Variants in EPHA5 observed in about 807,000 individuals in gnomAD.
EPHA5 encodes EPH receptor A5, also known as ephrin type-A receptor 5.
Under a neutral mutation model 105.0 loss-of-function variants are expected in EPHA5, and 60 were observed. That is an observed-to-expected ratio of 0.57 (90% CI 0.46 to 0.71). The LOEUF (loss-of-function observed/expected upper bound fraction) is 0.71. EPHA5 is among the 30% of genes least tolerant of loss of function. The pLI, the probability that EPHA5 is intolerant of heterozygous loss-of-function variation, is 0.00. For missense variants in EPHA5, 1,218 were observed against 1,274.7 expected (o/e 0.96, Z 0.68); for synonymous variants, 513 against 449.1 (o/e 1.14, Z -1.80).
intron 3 of EPHA5, among the ~76,000 whole-genome samples, chr4:65,501,780 G>T (rs540940466): frequency 5.3e-5 from 8 of 149,770 alleles, no homozygotes; most frequent in African/African-American, 1.9e-4. Context: ...AACAAAATGC[G>T]CCCAAATAGC....
At chr4:65,340,477 G>A (rs1372012640) in intron 14 of EPHA5, among the ~76,000 whole-genome samples, 3 of 152,056 alleles carry the variant, frequency 2.0e-5, no homozygotes, top group Admixed American at 6.6e-5. Flanking sequence ...CTCACAGTGG[G>A]GGCAGGGAGA....
At chr4:65,331,217 G>C (rs1423600656) in intron 16 of EPHA5, 5 of 1,030,200 alleles carry the variant, frequency 4.9e-6, no homozygotes, top group Non-Finnish European at 4.7e-6. Context: ...AATCTAGATG[G>C]AACCACCATA....
chr4:65,575,862 A>T (rs1740842299), intron 3 of EPHA5, among the ~76,000 whole-genome samples: 1 of 151,482 alleles, frequency 6.6e-6, no homozygotes, highest in Non-Finnish European at 1.5e-5. Flanking sequence ...CTGTAATCCC[A>T]GCTACTTGGG....
chr4:65,331,603 C>G, intron 16 of EPHA5: 2 of 1,067,704 alleles, frequency 1.9e-6, no homozygotes, highest in African/African-American at 1.6e-5. Context: ...GGACTAGCCA[C>G]ACCAATTGTG....
chr4:65,666,577 G>A (rs758912763), intron 1 of EPHA5, among the ~76,000 whole-genome samples: 4 of 152,088 alleles, frequency 2.6e-5, no homozygotes, highest in Admixed American at 1.3e-4. Flanking sequence ...TGCTTGATCA[G>A]AGACAAGTCT....
chr4:65,392,201 C>T (rs1577997766), intron 8 of EPHA5, among the ~76,000 whole-genome samples: 1 of 151,976 alleles, frequency 6.6e-6, no homozygotes, highest in Non-Finnish European at 1.5e-5. Flanking sequence ...TGATTCAGAG[C>T]CTTTGAAGAA....
chr4:65,367,864 T>G (rs1560460907), intron 8 of EPHA5, among the ~76,000 whole-genome samples: 1 of 152,046 alleles, frequency 6.6e-6, no homozygotes, highest in Non-Finnish European at 1.5e-5. Flanking sequence ...TGTTTTTCTC[T>G]CTACTGTTTT....
chr4:65,426,787 C>G (rs991129673), intron 5 of EPHA5, among the ~76,000 whole-genome samples: 4 of 152,086 alleles, frequency 2.6e-5, no homozygotes, highest in African/African-American at 9.7e-5. Flanking sequence ...CACCTGTCAT[C>G]CAGTTACTTA....
At chr4:65,448,229 G>A (rs1285834682) in intron 5 of EPHA5, among the ~76,000 whole-genome samples, 2 of 146,748 alleles carry the variant, frequency 1.4e-5, no homozygotes, top group African/African-American at 5.0e-5. Flanking sequence ...AAATCACCAA[G>A]CTATAAAAAA....
intron 3 of EPHA5, among the ~76,000 whole-genome samples, chr4:65,561,185 C>T (rs957904819): frequency 2.0e-5 from 3 of 151,002 alleles, no homozygotes; most frequent in Non-Finnish European, 3.0e-5. Context: ...AAAACACAAA[C>T]ATTAAAAAAA....
chr4:65,480,115 C>T (rs1446042266), intron 5 of EPHA5, among the ~76,000 whole-genome samples: 3 of 151,428 alleles, frequency 2.0e-5, no homozygotes, highest in Non-Finnish European at 4.4e-5. Flanking sequence ...ATAAAGGAGA[C>T]AAGGAAAGAA....
chr4:65,561,735 T>C (rs761483632), intron 3 of EPHA5, among the ~76,000 whole-genome samples: 40 of 152,114 alleles, frequency 2.6e-4, no homozygotes, highest in Non-Finnish European at 5.6e-4. Context: ...ATACATATAT[T>C]GATCTGTGGT....
intron 5 of EPHA5, among the ~76,000 whole-genome samples, chr4:65,449,337 T>A (rs975198974): frequency 6.6e-6 from 1 of 152,148 alleles, no homozygotes; most frequent in Admixed American, 6.6e-5. Context: ...AATGAGGGTT[T>A]AAAAAAAGAG....
At chr4:65,512,842 C>T (rs1465318987) in intron 3 of EPHA5, among the ~76,000 whole-genome samples, 1 of 152,030 alleles carries the variant, frequency 6.6e-6, no homozygotes, top group East Asian at 1.9e-4. Context: ...ATATCATCAA[C>T]ATGAAATGTA....
chr4:65,493,065 G>A (rs189964082), intron 4 of EPHA5, among the ~76,000 whole-genome samples: 5 of 151,228 alleles, frequency 3.3e-5, no homozygotes, highest in Admixed American at 3.3e-4. Flanking sequence ...GAATGCATCA[G>A]CAGCTGAATC....
At chr4:65,554,113 T>A (rs1400435204) in intron 3 of EPHA5, among the ~76,000 whole-genome samples, 2 of 151,484 alleles carry the variant, frequency 1.3e-5, no homozygotes, top group Non-Finnish European at 3.0e-5. Flanking sequence ...CCCCTTGTGT[T>A]TCTTATTTCA....
chr4:65,569,441 A>G (rs1186353745), intron 3 of EPHA5, among the ~76,000 whole-genome samples: 2 of 151,664 alleles, frequency 1.3e-5, no homozygotes, highest in Admixed American at 1.3e-4. Flanking sequence ...AGAATAGAAT[A>G]ACACATATAT....
intron 3 of EPHA5, among the ~76,000 whole-genome samples, chr4:65,586,193 G>T (rs4349649): frequency 0.49 from 73,569 of 151,142 alleles, 19,664 homozygotes; most frequent in Middle Eastern, 0.64. Context: ...GCATTTGATT[G>T]CATATATGTT....
Position 65,610,482 on chromosome 4 carries a change from T to C in EPHA5, c.247-8178A>G, listed in dbSNP as rs190567629. Among the ~76,000 whole-genome samples the C allele has an allele frequency of 1.3e-3, 196 of 151,748 alleles. 2 individuals carry two copies. The highest frequency in any genetic ancestry group is 4.4e-3 in the African/African-American group (182 of 41,360). On this transcript the variant is annotated intron_variant, in intron 2 of 16. Transcript: ENST00000613740. Reference sequence around the variant, plus strand: ...GGCTGTGTGACATGCAGTTTCCCCATGTAACAAACCTGCACATGTGCCCCG... The same window carrying C: ...GGCTGTGTGACATGCAGTTTCCCCACGTAACAAACCTGCACATGTGCCCCG...
Sources: gnomAD v4.1 joint callset for allele counts (sites outside exome capture counted in the v4.1 genomes callset) on GRCh38, gnomAD v4.1.1 for gene constraint, MANE v1.5 for transcripts, NCBI Gene and HGNC (gene_info 2026-07-23, HGNC 2026-07-21) for gene names.